Variants in SOD2 observed in about 807,000 individuals in gnomAD.
SOD2 encodes the protein superoxide dismutase 2.
In SOD2, 11 loss-of-function variants were observed where a neutral mutation model predicts 27.0. That is an observed-to-expected ratio of 0.41 (90% CI 0.26 to 0.67). The LOEUF is 0.67. Among genes scored for constraint, SOD2 ranks in the 30% least tolerant of loss-of-function variants. The probability of loss-of-function intolerance (pLI) is 0.34; values close to 1 mark genes in which losing one functional copy is unlikely to be tolerated. For missense variants in SOD2, 250 were observed against 274.5 expected, an observed-to-expected ratio of 0.91 and a Z score of 0.63; for synonymous variants, 105 against 103.0, an observed-to-expected ratio of 1.02 and a Z score of -0.12.
exon 1 of SOD2, chr6:159,761,324 T>G: frequency 1.6e-5 from 4 of 248,754 alleles, no homozygotes; most frequent in South Asian, 3.5e-5. Flanking sequence ...TCAGAAAGGG[T>G]TTTAAACAAA....
chr6:159,728,780 A>T (rs1459937212), upstream of SOD2, among the ~76,000 whole-genome samples: 1 of 152,212 alleles, frequency 6.6e-6, no homozygotes, highest in East Asian at 1.9e-4. Context: ...TTGAGGTTAC[A>T]TTTTAAGGGT....
chr6:159,736,335 G>A, intron 1 of SOD2: 4 of 1,502,012 alleles, frequency 2.7e-6, no homozygotes, highest in South Asian at 1.2e-5. Context: ...TTTGTTTTGG[G>A]TTTTTTGGGG....
intron 1 of SOD2, 113 bp from the exon 2 acceptor site, chr6:159,692,976 C>A: frequency 7.4e-7 from 1 of 1,349,298 alleles, no homozygotes; most frequent in South Asian, 1.5e-5. Context: ...CGTCCCCTCC[C>A]TGCGGATCCC....
At chr6:159,684,578 C>T (rs1319845563) in intron 4 of SOD2, among the ~76,000 whole-genome samples, 1 of 152,114 alleles carries the variant, frequency 6.6e-6, no homozygotes, top group Non-Finnish European at 1.5e-5. Context: ...GATCGCACCA[C>T]TGCACTCCAG....
chr6:159,704,584 G>T lies in SOD2; in HGVS notation c.-115-11721C>A, dbSNP rs952248856. Among the ~76,000 whole-genome samples the T allele has an allele frequency of 6.6e-5, 10 of 152,292 alleles. No individual in the cohort carries two copies. In the East Asian group the frequency reaches 1.9e-3, roughly 29 times the overall value. On this transcript the variant is annotated intron_variant, in intron 1 of 2. Transcript: ENST00000401980. Reference sequence around the variant, plus strand: ...GCAGCAGTGAGGCTAGGGGAGGGGCGCCTGCCATTGCCGAGGCTTGAGCAG... The same window carrying T: ...GCAGCAGTGAGGCTAGGGGAGGGGCTCCTGCCATTGCCGAGGCTTGAGCAG...
chr6:159,744,846 A>C (rs1386974475), intron 1 of SOD2, among the ~76,000 whole-genome samples: 3 of 152,084 alleles, frequency 2.0e-5, no homozygotes, highest in Non-Finnish European at 4.4e-5. Context: ...AGCGCAGCTA[A>C]TTTCTTAATT....
Position 159,678,510 on chromosome 6 carries a change from C to T in SOD2, c.*3983G>A, listed in dbSNP as rs1426719341. 1 of 152,092 alleles carries T rather than the reference C, an allele frequency of 6.6e-6. No homozygotes were observed. The highest frequency in any genetic ancestry group is 2.1e-4 in the South Asian group (1 of 4,818). The allele number at this position is 152,092 out of a possible 1,614,324, so 9.4% of individuals were successfully genotyped here. ...CCACCGCACTCCAGCCTGGGTGACA[C>T]AGTGAGACTCCATCTCTAAATAAAA... On this transcript the variant is annotated 3_prime_UTR_variant, in exon 5 of 5. Transcript: ENST00000538183.
At chr6:159,762,184 C>A in exon 1 of SOD2, 1 of 1,591,072 alleles carries the variant, frequency 6.3e-7, no homozygotes. Context: ...GAGGCGCCTG[C>A]TGCTTCGGCA....
At chr6:159,697,159 G>A (rs1366670217), upstream of SOD2, among the ~76,000 whole-genome samples, 3 of 151,466 alleles carry the variant, frequency 2.0e-5, no homozygotes, top group Non-Finnish European at 4.4e-5. Context: ...TAAAAAAATC[G>A]TTGTTGCTAA....
chr6:159,711,837 T>A (rs1345092279), intron 1 of SOD2, among the ~76,000 whole-genome samples: 2 of 124,130 alleles, frequency 1.6e-5, no homozygotes, highest in African/African-American at 2.9e-5. Context: ...TCAGCTGCTC[T>A]GACCACCATA....
At chr6:159,714,963 G>C (rs547264980) in intron 1 of SOD2, among the ~76,000 whole-genome samples, 1 of 152,044 alleles carries the variant, frequency 6.6e-6, no homozygotes, top group Non-Finnish European at 1.5e-5. Context: ...AGTCATTCCT[G>C]TGTCAGTCCT....
intron 1 of SOD2, among the ~76,000 whole-genome samples, chr6:159,736,043 A>G (rs955715352): frequency 2.6e-5 from 4 of 152,222 alleles, no homozygotes; most frequent in African/African-American, 9.6e-5. Flanking sequence ...ATGTTAACAA[A>G]GGAAGATCTG....
chr6:159,746,151 G>A (rs1303129460), upstream of SOD2, among the ~76,000 whole-genome samples: 1 of 152,184 alleles, frequency 6.6e-6, no homozygotes, highest in Admixed American at 6.6e-5. Flanking sequence ...CGTTAGATTT[G>A]GCAGTTAAGA....
chr6:159,742,899 A>T (rs2114925624), intron 1 of SOD2, among the ~76,000 whole-genome samples: 1 of 152,248 alleles, frequency 6.6e-6, no homozygotes, highest in African/African-American at 2.4e-5. Flanking sequence ...CTACAAAAAA[A>T]AAAAGAGTCA....
chr6:159,741,981 A>G (rs1779283276), intron 1 of SOD2: 1 of 823,496 alleles, frequency 1.2e-6, no homozygotes, highest in Non-Finnish European at 1.9e-6. Flanking sequence ...TGAAAAATCC[A>G]GAAGAATGCT....
intron 1 of SOD2, among the ~76,000 whole-genome samples, chr6:159,733,296 T>C (rs895749415): frequency 6.6e-6 from 1 of 152,196 alleles, no homozygotes; most frequent in Admixed American, 6.5e-5. Context: ...GAGGTTTTTA[T>C]CTGTTTGCTG....
At chr6:159,688,942 C>T (rs1040291988) in intron 2 of SOD2, among the ~76,000 whole-genome samples, 10 of 152,208 alleles carry the variant, frequency 6.6e-5, no homozygotes, top group Non-Finnish European at 4.4e-5. Context: ...CTCCCTAACT[C>T]TACTGCCACC....
intron 1 of SOD2, among the ~76,000 whole-genome samples, chr6:159,753,133 G>T (rs1260841860): frequency 6.6e-6 from 1 of 152,156 alleles, no homozygotes; most frequent in Non-Finnish European, 1.5e-5. Flanking sequence ...TATAGCCAAG[G>T]TGTGTGTTAA....
At chr6:159,727,391 C>T (rs1562446915), upstream of SOD2, 5 of 588,724 alleles carry the variant, frequency 8.5e-6, no homozygotes, top group Non-Finnish European at 1.2e-5. Flanking sequence ...AGGCGGGAGG[C>T]GGGAGGCGGG....
Sources: gnomAD v4.1 joint callset for allele counts (sites outside exome capture counted in the v4.1 genomes callset) on GRCh38, gnomAD v4.1.1 for gene constraint, MANE v1.5 for transcripts, NCBI Gene and HGNC (gene_info 2026-07-23, HGNC 2026-07-21) for gene names.